The following ITGB3BP variants were observed in gnomAD, a reference collection of about 807,000 sequenced individuals.
The protein encoded by ITGB3BP is centromere protein R.
ITGB3BP carries 27 observed loss-of-function variants against 29.1 expected under a neutral mutation model. The ratio of observed to expected loss-of-function variants is 0.93; its 90% CI spans 0.68 to 1.28. The LOEUF is 1.28. ITGB3BP is among the 50% of genes most tolerant of loss of function. ITGB3BP has a pLI of 0.00. For missense variants in ITGB3BP, 192 were observed against 200.2 expected (o/e 0.96, Z 0.25); for synonymous variants, 61 against 61.4 (o/e 0.99, Z 0.03).
At chr1:63,507,884 A>C (rs1351710540) in intron 2 of ITGB3BP, among the ~76,000 whole-genome samples, 3 of 152,156 alleles carry the variant, frequency 2.0e-5, no homozygotes, top group African/African-American at 7.2e-5. Context: ...AAGATTACTG[A>C]GGTCATAAGT....
At chr1:63,513,114 T>A (rs1350872424) in intron 1 of ITGB3BP, among the ~76,000 whole-genome samples, 1 of 152,208 alleles carries the variant, frequency 6.6e-6, no homozygotes, top group African/African-American at 2.4e-5. Flanking sequence ...ATCAGTGATA[T>A]AAATTTTGAC....
Position 63,457,421 on chromosome 1 carries a change from A to G in ITGB3BP, c.255-2453T>C, listed in dbSNP as rs189776127. On this transcript the variant is annotated intron_variant, in intron 4 of 8. Coordinates refer to ENST00000271002, the MANE Select transcript of ITGB3BP (RefSeq NM_014288.5). ...ACTGAGAGCCCTTTTCTGTATTTTCAATGCATGGTTCAAATTTCACTTTGT... is the reference window on the plus strand; with the variant it reads ...ACTGAGAGCCCTTTTCTGTATTTTCGATGCATGGTTCAAATTTCACTTTGT... The G allele has an allele frequency of 4.6e-5, 7 of 152,226 alleles. No homozygotes were observed. In the East Asian group the frequency reaches 1.4e-3, roughly 29 times the overall value. 9.4% of individuals were successfully genotyped at this position (152,226 alleles called of 1,614,324 possible). A position where few individuals can be genotyped will look rare whatever the true frequency, so the allele number is the denominator to read the frequency against.
intron 8 of ITGB3BP, chr1:63,443,009 T>G (rs1401088027): frequency 1.3e-5 from 2 of 152,294 alleles, no homozygotes; most frequent in Non-Finnish European, 2.9e-5. Context: ...ACTTTCTCTC[T>G]TATTCTAGCA....
At chr1:63,503,989 G>A (rs1176856978) in intron 2 of ITGB3BP, among the ~76,000 whole-genome samples, 10 of 151,874 alleles carry the variant, frequency 6.6e-5, no homozygotes, top group African/African-American at 2.4e-4. Flanking sequence ...TTGACTTGGC[G>A]ATGCAGGCTC....
intron 7 of ITGB3BP, chr1:63,449,753 T>C (rs908448132): frequency 1.3e-5 from 2 of 154,632 alleles, no homozygotes; most frequent in African/African-American, 4.8e-5. Flanking sequence ...GGAATTTCTG[T>C]TGTTTCTCCT....
chr1:63,526,416 A>G (rs1325717998), upstream of ITGB3BP, among the ~76,000 whole-genome samples: 1 of 152,200 alleles, frequency 6.6e-6, no homozygotes, highest in Non-Finnish European at 1.5e-5. Flanking sequence ...CATCAAGGCT[A>G]ATAACTTTAT....
At chr1:63,513,551 A>G (rs1646246517) in intron 1 of ITGB3BP, among the ~76,000 whole-genome samples, 1 of 152,168 alleles carries the variant, frequency 6.6e-6, no homozygotes, top group African/African-American at 2.4e-5. Context: ...AAATCTGGGC[A>G]CTAAATGTGT....
intron 4 of ITGB3BP, among the ~76,000 whole-genome samples, chr1:63,465,865 T>C (rs943931798): frequency 2.6e-5 from 4 of 152,146 alleles, no homozygotes; most frequent in Non-Finnish European, 5.9e-5. Flanking sequence ...GCATTTAACA[T>C]TTATTTTTTA....
At chr1:63,503,431 A>G (rs575083432) in intron 2 of ITGB3BP, among the ~76,000 whole-genome samples, 31 of 152,134 alleles carry the variant, frequency 2.0e-4, no homozygotes, top group Admixed American at 1.9e-3. Flanking sequence ...AGATGAGTAG[A>G]TTGCAAAAAT....
chr1:63,493,417 A>AAACAAAC (rs1553164318), intron 2 of ITGB3BP, among the ~76,000 whole-genome samples: 12 of 145,474 alleles, frequency 8.2e-5, no homozygotes, highest in African/African-American at 3.0e-4. Context: ...TCTGTCTCAA[A>AAACAAAC]AAACAAACAA....
chr1:63,510,130 CA>C (rs1222531410), intron 1 of ITGB3BP: 30 of 630,530 alleles, frequency 4.8e-5, no homozygotes, highest in Middle Eastern at 5.5e-4. Context: ...GCAGATGTTG[CA>C]GTGAACGGAA....
chr1:63,494,800 A>C (rs988961742), intron 2 of ITGB3BP, among the ~76,000 whole-genome samples: 6 of 152,082 alleles, frequency 3.9e-5, no homozygotes, highest in African/African-American at 1.4e-4. Context: ...ATTCTCTTAC[A>C]CTGTAATTTT....
intron 2 of ITGB3BP, among the ~76,000 whole-genome samples, chr1:63,499,225 G>A (rs773266051): frequency 6.8e-6 from 1 of 146,416 alleles, no homozygotes; most frequent in Non-Finnish European, 1.5e-5. Flanking sequence ...GCAATGGCGC[G>A]ATCTCGGCTC....
intron 4 of ITGB3BP, among the ~76,000 whole-genome samples, chr1:63,477,368 T>G (rs551980522): frequency 3.9e-5 from 6 of 152,314 alleles, no homozygotes; most frequent in Non-Finnish European, 8.8e-5. Context: ...CCAAAAACAT[T>G]TGTAAACATA....
intron 2 of ITGB3BP, among the ~76,000 whole-genome samples, chr1:63,496,447 C>G (rs1645790083): frequency 6.6e-6 from 1 of 152,016 alleles, no homozygotes; most frequent in South Asian, 2.1e-4. Context: ...CTCCAGCAGG[C>G]CAACTGAACT....
At chr1:63,488,247 G>T (rs928525142) in intron 3 of ITGB3BP, among the ~76,000 whole-genome samples, 9 of 151,964 alleles carry the variant, frequency 5.9e-5, no homozygotes, top group African/African-American at 2.2e-4. Context: ...TGGCAAGAAG[G>T]GGCTCAGCAT....
Position 63,453,950 on chromosome 1 carries a change from A to G in ITGB3BP, c.452T>C (p.Leu151Pro), listed in dbSNP as rs2100502370. 2 of 1,581,968 alleles carry G rather than the reference A, an allele frequency of 1.3e-6. No homozygotes were observed. Among genetic ancestry groups the G allele is most frequent in the Non-Finnish European group, 1.7e-6 (2 of 1,157,514 alleles). Residue 151 changes from leucine (L) to proline (P), a missense_variant, in exon 7 of 9, where the codon CTG becomes CCG. Coordinates refer to ENST00000271002, the MANE Select transcript of ITGB3BP (RefSeq NM_014288.5). ...ELMTKVNKQKLFEKSTGLPHK... is the reference protein window; with the variant it reads ...ELMTKVNKQKPFEKSTGLPHK... ...AGGAAGTCCTGTACTCTTTTCAAAC[A>G]GTTTTTGTTTATTCACTTTTGTCAC... is the stretch of plus-strand genomic sequence containing the variant.
At chr1:63,447,203 T>C (rs1187512253) in intron 7 of ITGB3BP, 1 of 267,130 alleles carries the variant, frequency 3.7e-6, no homozygotes, top group Non-Finnish European at 7.2e-6. Flanking sequence ...GCCTTGTTTG[T>C]CAGTGTGTTC....
chr1:63,465,388 C>CA (rs770027094), intron 4 of ITGB3BP, among the ~76,000 whole-genome samples: 9 of 151,438 alleles, frequency 5.9e-5, no homozygotes, highest in African/African-American at 9.7e-5. Context: ...TAAAAGCTTA[C>CA]AAAAGGTATT....
Sources: allele counts gnomAD v4.1 joint callset (sites outside exome capture counted in the v4.1 genomes callset), GRCh38; gene constraint gnomAD v4.1.1; transcripts MANE v1.5; gene names NCBI Gene and HGNC (gene_info 2026-07-23, HGNC 2026-07-21).